AFF2: variants seen among roughly 807,000 people sequenced by gnomAD.
The protein encoded by AFF2 is ALF transcription elongation factor 2.
AFF2 carries 14 observed loss-of-function variants against 76.9 expected under a neutral mutation model. The observed-to-expected ratio is 0.18, with a 90% CI of 0.12 to 0.28. The LOEUF (loss-of-function observed/expected upper bound fraction) is 0.28. AFF2 is among the 10% of genes least tolerant of loss of function. The pLI is 1.00. For synonymous variants in AFF2, 398 were observed against 366.7 expected (o/e 1.09, Z -0.98); for missense variants, 868 against 1,001.1 (o/e 0.87, Z 1.79).
intron 1 of AFF2, among the ~76,000 whole-genome samples, chrX:148,632,731 A>G (rs1009976668): frequency 3.6e-5 from 4 of 112,020 alleles, no homozygotes; most frequent in Non-Finnish European, 5.6e-5. Context: ...AGGAGAAGTT[A>G]TGTAAAGATG....
rs1001617492 is a variant in AFF2, at chrX:148,585,704, G to T, written c.48-66295G>T. 6.2e-4 allele frequency among the ~76,000 whole-genome samples: 68 copies of T among 109,891 alleles called. 1 individual carries two copies. The highest frequency in any genetic ancestry group is 1.9e-3 in the African/African-American group (58 of 30,216). ...AATACAAAAAAAATTAGCCGGGCGT[G>T]GTGGCAGGCGCCTGTATTCCCAGCT... On this transcript the variant is annotated intron_variant, in intron 1 of 20. Transcript: ENST00000370460.
chrX:148,685,004 A>G lies in AFF2; in HGVS notation c.1041+22236A>G, dbSNP rs190576772. 2.1e-3 allele frequency among the ~76,000 whole-genome samples: 232 copies of G among 112,585 alleles called. 1 individual carries two copies. Among genetic ancestry groups the G allele is most frequent in the African/African-American group, 6.8e-3 (212 of 31,107 alleles). On this transcript the variant is annotated intron_variant, in intron 3 of 20. Coordinates refer to ENST00000370460, the MANE Select transcript of AFF2 (RefSeq NM_002025.4). ...TGTTGAAAAGTATTTTTAGTGTTTA[A>G]GGAGAAAGCAATGCTTTTTGATCTA...
intron 1 of AFF2, among the ~76,000 whole-genome samples, chrX:148,529,757 G>A (rs1557235633): frequency 1.8e-5 from 2 of 111,780 alleles, no homozygotes; most frequent in African/African-American, 6.5e-5. Flanking sequence ...ACCAAAGAAT[G>A]AGGCTTCTGG....
At chrX:148,954,944 T>A (rs782700950) in intron 10 of AFF2, among the ~76,000 whole-genome samples, 15 of 112,753 alleles carry the variant, frequency 1.3e-4, no homozygotes, top group Admixed American at 5.6e-4. Flanking sequence ...CCGAATAGTA[T>A]GTATCATTGC....
intron 3 of AFF2, among the ~76,000 whole-genome samples, chrX:148,727,685 G>C (rs1349685891): frequency 8.9e-6 from 1 of 111,801 alleles, no homozygotes; most frequent in African/African-American, 3.2e-5. Context: ...TAGAATTAAA[G>C]ATAGATATTC....
At chrX:148,597,239 A>T (rs1423289513) in intron 1 of AFF2, among the ~76,000 whole-genome samples, 1 of 111,267 alleles carries the variant, frequency 9.0e-6, no homozygotes, top group Non-Finnish European at 1.9e-5. Flanking sequence ...GTGTTACCCT[A>T]TGAAAGGCCC....
intron 3 of AFF2, among the ~76,000 whole-genome samples, chrX:148,772,945 G>T (rs1159650962): frequency 9.0e-6 from 1 of 110,984 alleles, no homozygotes; most frequent in Non-Finnish European, 1.9e-5. Context: ...ACCAGGACCT[G>T]TTGGGAGAGG....
intron 19 of AFF2, 101 bp downstream of exon 19, chrX:148,980,891 C>A: frequency 1.8e-6 from 1 of 558,327 alleles, no homozygotes; most frequent in Non-Finnish European, 2.8e-6. Context: ...AATTCTAGAA[C>A]TACAGTCATT....
chrX:148,737,652 A>G (rs1379425139), intron 3 of AFF2, among the ~76,000 whole-genome samples: 1 of 111,500 alleles, frequency 9.0e-6, no homozygotes, highest in African/African-American at 3.3e-5. Flanking sequence ...TTCCAGTACT[A>G]TGTTGAAGAG....
At chrX:148,781,690 C>T (rs2069747168) in intron 3 of AFF2, among the ~76,000 whole-genome samples, 1 of 111,730 alleles carries the variant, frequency 9.0e-6, no homozygotes, top group South Asian at 3.9e-4. Flanking sequence ...CTTCAGCCTT[C>T]TTTCCAGGGG....
At chrX:148,622,518 T>C (rs782553203) in intron 1 of AFF2, among the ~76,000 whole-genome samples, 1 of 111,860 alleles carries the variant, frequency 8.9e-6, no homozygotes, top group East Asian at 2.9e-4. Flanking sequence ...TAATCACATC[T>C]ACAAAATCCC....
intron 1 of AFF2, among the ~76,000 whole-genome samples, chrX:148,631,495 C>G (rs1284088433): frequency 8.9e-6 from 1 of 112,061 alleles, no homozygotes; most frequent in Admixed American, 9.5e-5. Flanking sequence ...TTGGTACCTA[C>G]ACAGACTGTG....
intron 3 of AFF2, among the ~76,000 whole-genome samples, chrX:148,801,399 A>G (rs1342076796): frequency 1.8e-5 from 2 of 111,226 alleles, no homozygotes; most frequent in African/African-American, 3.3e-5. Flanking sequence ...TTCTCTTCCA[A>G]TTTCCAGTAA....
intron 1 of AFF2, among the ~76,000 whole-genome samples, chrX:148,534,970 G>T (rs782078829): frequency 1.8e-4 from 20 of 111,668 alleles, no homozygotes; most frequent in Non-Finnish European, 3.4e-4. Flanking sequence ...ATGATAAAAG[G>T]TGTGGCTTTG....
At chrX:148,576,770 T>C (rs1312934987) in intron 1 of AFF2, among the ~76,000 whole-genome samples, 1 of 93,595 alleles carries the variant, frequency 1.1e-5, no homozygotes, top group Non-Finnish European at 2.1e-5. Flanking sequence ...GCGACATGAA[T>C]GTGGTTTGGG....
chrX:148,924,159 A>T (rs1557283505), intron 9 of AFF2, among the ~76,000 whole-genome samples: 2 of 111,865 alleles, frequency 1.8e-5, no homozygotes, highest in Admixed American at 9.5e-5. Context: ...ATGAACCTCA[A>T]CTCTTCCTAG....
chrX:148,557,282 T>C (rs1399923338), intron 1 of AFF2, among the ~76,000 whole-genome samples: 2 of 112,488 alleles, frequency 1.8e-5, no homozygotes, highest in Non-Finnish European at 3.8e-5. Flanking sequence ...TTATACATCA[T>C]GTAAATAAAG....
At chrX:148,670,871 G>A (rs782126410) in intron 3 of AFF2, among the ~76,000 whole-genome samples, 17 of 111,623 alleles carry the variant, frequency 1.5e-4, no homozygotes, top group African/African-American at 3.9e-4. Flanking sequence ...CTTGTCCTCC[G>A]CTCACCCCCT....
chrX:148,714,941 T>C (rs191158044), intron 3 of AFF2, among the ~76,000 whole-genome samples: 1 of 111,602 alleles, frequency 9.0e-6, no homozygotes, highest in African/African-American at 3.3e-5. Context: ...TAGTTTAGTC[T>C]TGATGATGTG....
Sources: allele counts gnomAD v4.1 joint callset (sites outside exome capture counted in the v4.1 genomes callset), GRCh38; gene constraint gnomAD v4.1.1; transcripts MANE v1.5; gene names NCBI Gene and HGNC (gene_info 2026-07-23, HGNC 2026-07-21).